The following FGD4 variants were observed in gnomAD, a reference collection of about 807,000 sequenced individuals.
FGD4 encodes FYVE, RhoGEF and PH domain containing 4, also known as FYVE, RhoGEF and PH domain-containing protein 4.
In FGD4, 42 loss-of-function variants were observed where a neutral mutation model predicts 102.0. That is an observed-to-expected ratio of 0.41 (90% CI 0.32 to 0.53). The LOEUF (loss-of-function observed/expected upper bound fraction) is 0.53, where lower values mean the gene tolerates loss of function less well. Ranked by LOEUF, FGD4 falls within the 20% of genes least tolerant of loss-of-function variation. The pLI, the probability that FGD4 is intolerant of heterozygous loss-of-function variation, is 0.21. For missense variants in FGD4, 902 were observed against 1,078.2 expected (o/e 0.84, Z 2.29); for synonymous variants, 380 against 375.7 (o/e 1.01, Z -0.13).
intron 3 of FGD4, among the ~76,000 whole-genome samples, chr12:32,581,143 T>A (rs555304635): frequency 2.0e-5 from 3 of 152,254 alleles, no homozygotes; most frequent in African/African-American, 7.2e-5. Flanking sequence ...TAGGAGAGAT[T>A]GTCCTAAGCA....
At chr12:32,547,165 C>T (rs187834377) in intron 1 of FGD4, among the ~76,000 whole-genome samples, 61 of 152,168 alleles carry the variant, frequency 4.0e-4, no homozygotes, top group African/African-American at 1.4e-3. Flanking sequence ...AGGCTGGGCA[C>T]GGTGGCTCAG....
chr12:32,604,623 C>G (rs1948646456), intron 7 of FGD4, among the ~76,000 whole-genome samples: 1 of 152,214 alleles, frequency 6.6e-6, no homozygotes, highest in Non-Finnish European at 1.5e-5. Context: ...TCACTCACCT[C>G]AGGGATCTTC....
intron 1 of FGD4, among the ~76,000 whole-genome samples, chr12:32,528,843 G>A (rs1428038215): frequency 6.6e-6 from 1 of 152,126 alleles, no homozygotes; most frequent in Non-Finnish European, 1.5e-5. Context: ...ACAGTTGCTT[G>A]CACCTGCAAA....
chr12:32,427,146 A>G (rs1941866023), intron 1 of FGD4, among the ~76,000 whole-genome samples: 3 of 151,320 alleles, frequency 2.0e-5, no homozygotes, highest in Admixed American at 2.0e-4. Flanking sequence ...AGTTCTTTTA[A>G]TTGTGATTTT....
intron 1 of FGD4, among the ~76,000 whole-genome samples, chr12:32,530,203 C>G (rs563566714): frequency 1.3e-5 from 2 of 151,968 alleles, no homozygotes; most frequent in Non-Finnish European, 2.9e-5. Context: ...ATCATGTGGG[C>G]TGGGCATGGT....
chr12:32,552,613 A>G (rs558918408), intron 1 of FGD4, among the ~76,000 whole-genome samples: 27 of 151,846 alleles, frequency 1.8e-4, no homozygotes, highest in Non-Finnish European at 2.7e-4. Context: ...ACACAGCAGA[A>G]AGGGAAACCT....
intron 11 of FGD4, among the ~76,000 whole-genome samples, chr12:32,622,652 G>A (rs757567152): frequency 6.6e-6 from 1 of 152,224 alleles, no homozygotes; most frequent in Admixed American, 6.5e-5. Flanking sequence ...GAGTGCAATA[G>A]CACGATCTTG....
intron 1 of FGD4, among the ~76,000 whole-genome samples, chr12:32,548,024 T>C (rs1302491890): frequency 1.3e-5 from 2 of 152,170 alleles, no homozygotes; most frequent in Non-Finnish European, 2.9e-5. Flanking sequence ...TGATTGTTAA[T>C]ATTTTTGTGA....
At chr12:32,530,181 T>C (rs1941656799) in intron 1 of FGD4, among the ~76,000 whole-genome samples, 1 of 151,992 alleles carries the variant, frequency 6.6e-6, no homozygotes, top group Non-Finnish European at 1.5e-5. Flanking sequence ...ATAAAAAACA[T>C]TATTATGAAA....
At chr12:32,555,834 T>G (rs1301215565) in intron 1 of FGD4, among the ~76,000 whole-genome samples, 2 of 151,964 alleles carry the variant, frequency 1.3e-5, no homozygotes, top group Non-Finnish European at 2.9e-5. Context: ...CCTCCCAAAG[T>G]GCTAGGATTA....
chr12:32,433,056 G>C (rs911506661), intron 1 of FGD4, among the ~76,000 whole-genome samples: 2 of 151,774 alleles, frequency 1.3e-5, no homozygotes, highest in African/African-American at 4.8e-5. Context: ...GAGTACAGTG[G>C]CACAATCTTA....
At chr12:32,639,738 T>C (rs1417258319) in intron 16 of FGD4, among the ~76,000 whole-genome samples, 2 of 152,208 alleles carry the variant, frequency 1.3e-5, no homozygotes, top group Non-Finnish European at 2.9e-5. Context: ...CTCTGAAATA[T>C]AAAAATTTTA....
intron 1 of FGD4, among the ~76,000 whole-genome samples, chr12:32,461,217 G>A (rs867928972): frequency 4.6e-5 from 7 of 151,918 alleles, no homozygotes; most frequent in Non-Finnish European, 1.0e-4. Flanking sequence ...TTAAGATAAC[G>A]CACAAAAAAC....
chr12:32,617,808 AG>A (rs1949537129), intron 10 of FGD4, among the ~76,000 whole-genome samples: 1 of 152,228 alleles, frequency 6.6e-6, no homozygotes, highest in Non-Finnish European at 1.5e-5. Context: ...GAACAGGGCT[AG>A]CTACTTGGTT....
At chr12:32,507,799 G>T (rs1938932979) in intron 1 of FGD4, among the ~76,000 whole-genome samples, 2 of 152,126 alleles carry the variant, frequency 1.3e-5, no homozygotes, top group African/African-American at 4.8e-5. Context: ...GTTATCCTGG[G>T]TATTAAGGAA....
At chr12:32,637,819 G>A (rs1348314178) in intron 15 of FGD4, 1 of 151,944 alleles carries the variant, frequency 6.6e-6, no homozygotes, top group East Asian at 1.9e-4. Context: ...AACAGCATGG[G>A]GGACACTGCC....
At chr12:32,534,454 G>A in intron 1 of FGD4, 4 of 1,525,374 alleles carry the variant, frequency 2.6e-6, no homozygotes, top group Non-Finnish European at 2.6e-6. Flanking sequence ...TTAAACCAGA[G>A]TAGATTAATT....
chr12:32,520,835 A>G (rs1940467921), intron 1 of FGD4, among the ~76,000 whole-genome samples: 1 of 152,276 alleles, frequency 6.6e-6, no homozygotes, highest in South Asian at 2.1e-4. Flanking sequence ...ATGCATGCCC[A>G]GGATTTATTC....
At chr12:32,513,607 A>G (rs1254210735) in intron 1 of FGD4, among the ~76,000 whole-genome samples, 1 of 152,212 alleles carries the variant, frequency 6.6e-6, no homozygotes, top group Non-Finnish European at 1.5e-5. Context: ...CCTCTGAATT[A>G]AGACTGGCAC....
Sources: allele counts gnomAD v4.1 joint callset (sites outside exome capture counted in the v4.1 genomes callset), GRCh38; gene constraint gnomAD v4.1.1; transcripts MANE v1.5; gene names NCBI Gene and HGNC (gene_info 2026-07-23, HGNC 2026-07-21).